The following PRKCA variants were observed in gnomAD, a reference collection of about 807,000 sequenced individuals.
PRKCA encodes the protein protein kinase C alpha.
Under a neutral mutation model 87.0 loss-of-function variants are expected in PRKCA, and 27 were observed. That is an observed-to-expected ratio of 0.31 (90% CI 0.23 to 0.43). The LOEUF (loss-of-function observed/expected upper bound fraction) is 0.43. Ranked by LOEUF, PRKCA falls within the 20% of genes least tolerant of loss-of-function variation. PRKCA has a pLI of 1.00. For synonymous variants in PRKCA, 329 were observed against 311.1 expected (o/e 1.06, Z -0.61); for missense variants, 518 against 852.3 (o/e 0.61, Z 4.88).
intron 2 of PRKCA, among the ~76,000 whole-genome samples, chr17:66,318,079 T>A (rs897967368): frequency 1.3e-5 from 2 of 152,240 alleles, no homozygotes; most frequent in African/African-American, 4.8e-5. Flanking sequence ...TATGAGTAAT[T>A]TGCCTAACAA....
chr17:66,640,082 A>G (rs923053060), intron 3 of PRKCA, among the ~76,000 whole-genome samples: 2 of 152,128 alleles, frequency 1.3e-5, no homozygotes, highest in Admixed American at 6.5e-5. Flanking sequence ...CGTGGTACCT[A>G]CCTACCCTGT....
At chr17:66,388,690 C>T (rs575753405) in intron 2 of PRKCA, among the ~76,000 whole-genome samples, 1 of 152,288 alleles carries the variant, frequency 6.6e-6, no homozygotes, top group Admixed American at 6.5e-5. Context: ...ACTTACCAAA[C>T]ACGTGCATGC....
chr17:66,344,082 TG>T (rs1466326565), intron 2 of PRKCA, among the ~76,000 whole-genome samples: 1 of 152,192 alleles, frequency 6.6e-6, no homozygotes, highest in Non-Finnish European at 1.5e-5. Flanking sequence ...TAAGAACCAC[TG>T]ACTAAGTATG....
At chr17:66,759,766 A>G (rs945703451) in intron 13 of PRKCA, among the ~76,000 whole-genome samples, 1 of 152,240 alleles carries the variant, frequency 6.6e-6, no homozygotes, top group African/African-American at 2.4e-5. Context: ...ATACTAATCA[A>G]AGAAATTAGG....
chr17:66,390,571 C>A (rs993689390), intron 2 of PRKCA, among the ~76,000 whole-genome samples: 2 of 152,106 alleles, frequency 1.3e-5, no homozygotes, highest in Admixed American at 6.5e-5. Flanking sequence ...AGAGGAGATG[C>A]CATGAACTTG....
chr17:66,777,395 A>G (rs1975080339), intron 14 of PRKCA: 2 of 984,552 alleles, frequency 2.0e-6, no homozygotes, highest in East Asian at 2.3e-4. Flanking sequence ...ACTGACATCA[A>G]AAGAGTGGTT....
chr17:66,666,834 C>G (rs6504445), intron 5 of PRKCA, among the ~76,000 whole-genome samples: 8,063 of 151,998 alleles, frequency 0.053, 286 homozygotes, highest in Admixed American at 0.077. Context: ...TGAATCCCCC[C>G]CCCACACACA....
intron 5 of PRKCA, among the ~76,000 whole-genome samples, chr17:66,672,926 G>A (rs957944): frequency 0.63 from 95,434 of 152,078 alleles, 30,040 homozygotes; most frequent in African/African-American, 0.7. Flanking sequence ...GTTCTCCCAT[G>A]CAGAAGTATA....
At position 66,689,017 on chromosome 17, in the gene PRKCA, A is replaced by G; in HGVS notation, c.888A>G (p.Glu296=). 1 of 1,602,082 alleles carries G rather than the reference A, an allele frequency of 6.2e-7. No homozygotes were observed. Among genetic ancestry groups the G allele is most frequent in the Admixed American group, 1.7e-5 (1 of 57,948 alleles). ...YNVPIPEGDE[E]GNMELRQKFE... ...TACCCATTCCGGAAGGGGACGAGGA[A>G]GGAAACATGGAACTCAGGCAGAAAT... Residue 296 remains glutamate (E), a synonymous_variant, in exon 8 of 17, where the codon GAA becomes GAG. Coordinates refer to ENST00000413366, the MANE Select transcript of PRKCA (RefSeq NM_002737.3). The surrounding 1 kb of genome is among the most constrained non-coding windows in gnomAD (Gnocchi z 4.1).
intron 3 of PRKCA, among the ~76,000 whole-genome samples, chr17:66,586,749 CA>C (rs1969609891): frequency 6.6e-6 from 1 of 152,200 alleles, no homozygotes; most frequent in African/African-American, 2.4e-5. Flanking sequence ...GTATATACTC[CA>C]GTGAAGCTTG....
chr17:66,762,465 C>A (rs999785781), intron 13 of PRKCA, among the ~76,000 whole-genome samples: 1 of 152,214 alleles, frequency 6.6e-6, no homozygotes, highest in African/African-American at 2.4e-5. Flanking sequence ...AGTCACACAG[C>A]TCCTGGCCTC....
chr17:66,683,869 G>A (rs1972556797), intron 5 of PRKCA, among the ~76,000 whole-genome samples: 1 of 152,012 alleles, frequency 6.6e-6, no homozygotes, highest in Admixed American at 6.5e-5. Context: ...CAAAGTGTTG[G>A]GATTTGACTC....
chr17:66,687,678 T>C (rs1003046805), intron 6 of PRKCA, among the ~76,000 whole-genome samples: 1 of 152,170 alleles, frequency 6.6e-6, no homozygotes, highest in African/African-American at 2.4e-5. Context: ...GAAAGTGTTA[T>C]TGCCACTGAA....
chr17:66,626,592 G>A (rs1418852933), intron 3 of PRKCA, among the ~76,000 whole-genome samples: 3 of 150,218 alleles, frequency 2.0e-5, no homozygotes, highest in Admixed American at 6.6e-5. Context: ...GGCTGGTCTC[G>A]ATCTGCTGAC....
intron 3 of PRKCA, among the ~76,000 whole-genome samples, chr17:66,550,127 G>T (rs115431649): frequency 0.011 from 1,618 of 152,114 alleles, 36 homozygotes; most frequent in African/African-American, 0.037. Context: ...TTTCTGACAC[G>T]TGCAGAGTTT....
intron 3 of PRKCA, among the ~76,000 whole-genome samples, chr17:66,559,506 A>G (rs113419790): frequency 0.051 from 7,399 of 146,468 alleles, 300 homozygotes; most frequent in Non-Finnish European, 0.077. Flanking sequence ...AAAAAAAAAA[A>G]GCTCTCCAGT....
At chr17:66,660,714 C>A (rs1176353248) in intron 5 of PRKCA, among the ~76,000 whole-genome samples, 1 of 151,790 alleles carries the variant, frequency 6.6e-6, no homozygotes, top group Non-Finnish European at 1.5e-5. Context: ...ACGGTGAAAA[C>A]CTGTCTCTAC....
At chr17:66,557,528 C>T (rs1007273564) in intron 3 of PRKCA, among the ~76,000 whole-genome samples, 6 of 151,822 alleles carry the variant, frequency 4.0e-5, no homozygotes, top group South Asian at 2.1e-4. Flanking sequence ...TTAGGATTTT[C>T]GAATGAATAA....
intron 3 of PRKCA, among the ~76,000 whole-genome samples, chr17:66,525,385 G>C (rs1378755418): frequency 1.3e-5 from 2 of 152,118 alleles, no homozygotes. Context: ...TTTCCTATTT[G>C]TCATGAATGA....
Sources: gnomAD v4.1 joint callset for allele counts (sites outside exome capture counted in the v4.1 genomes callset) on GRCh38, gnomAD v4.1.1 for gene constraint, Gnocchi (gnomAD v3.1) non-coding constraint, MANE v1.5 for transcripts, NCBI Gene and HGNC (gene_info 2026-07-23, HGNC 2026-07-21) for gene names.